Variants in PRICKLE4 observed in about 807,000 individuals in gnomAD.
PRICKLE4 encodes the protein prickle-like protein 4.
PRICKLE4 carries 40 observed loss-of-function variants against 43.5 expected under a neutral mutation model. The observed-to-expected ratio is 0.92, with a 90% CI of 0.71 to 1.20. The LOEUF (loss-of-function observed/expected upper bound fraction) is 1.20, where lower values mean the gene tolerates loss of function less well. Among genes scored for constraint, PRICKLE4 ranks in the 50% most tolerant of loss-of-function variants. PRICKLE4 has a pLI of 0.00. For missense variants in PRICKLE4, 527 were observed against 491.2 expected (o/e 1.07, Z -0.69); for synonymous variants, 208 against 197.4 (o/e 1.05, Z -0.45).
chr6:41,781,422 A>C lies in PRICKLE4; in HGVS notation c.-111A>C, dbSNP rs1485484709. On this transcript the variant is annotated 5_prime_UTR_variant, in exon 2 of 8. Coordinates refer to ENST00000458694, the MANE Select transcript of PRICKLE4 (RefSeq NM_013397.6). Reference sequence around the variant, plus strand: ...CCCCTCCTTTCTTGCTGCCTGGAGCAGGGGCAGTGCTGTTAGTGGCTACTC... The same window carrying C: ...CCCCTCCTTTCTTGCTGCCTGGAGCCGGGGCAGTGCTGTTAGTGGCTACTC... 1 of 153,330 alleles carries C rather than the reference A, an allele frequency of 6.5e-6. No homozygotes were observed. The highest frequency in any genetic ancestry group is 1.5e-5 in the Non-Finnish European group (1 of 68,550). 9.5% of individuals were successfully genotyped at this position (153,330 alleles called of 1,614,324 possible).
chr6:41,786,083 GGAAT>G (rs747065265), intron 6 of PRICKLE4, 41 bp from the exon 7 acceptor site: 13 of 1,561,478 alleles, frequency 8.3e-6, no homozygotes, highest in Non-Finnish European at 1.1e-5. Flanking sequence ...AATGAATGAG[GGAAT>G]GAATGAATGA....
intron 2 of PRICKLE4, 79 bp from the exon 3 acceptor site, chr6:41,783,383 A>G: frequency 7.4e-7 from 1 of 1,347,776 alleles, no homozygotes; most frequent in Non-Finnish European, 1.0e-6. Context: ...GAGGGAAATA[A>G]TATCTATAAA....
At chr6:41,782,242 T>C (rs2127304926) in intron 2 of PRICKLE4, among the ~76,000 whole-genome samples, 1 of 151,798 alleles carries the variant, frequency 6.6e-6, no homozygotes, top group East Asian at 1.9e-4. Context: ...CAGCTTATTT[T>C]TGTATTTGTA....
At chr6:41,786,537 C>A (rs1425879999) in intron 7 of PRICKLE4, 1 of 1,008,450 alleles carries the variant, frequency 9.9e-7, no homozygotes, top group Non-Finnish European at 1.5e-6. Flanking sequence ...CCGAACCCAC[C>A]CCGCGCCGCG....
chr6:41,786,050 G>C, intron 6 of PRICKLE4, 78 bp from the exon 7 acceptor site: 1 of 1,467,324 alleles, frequency 6.8e-7, no homozygotes, highest in South Asian at 1.2e-5. Context: ...CGTTAACTGG[G>C]TAAAAGGCGT....
chr6:41,786,835 C>CTTT lies in PRICKLE4; in HGVS notation c.861_862insTTT (p.Leu287_Leu288insPhe). On this transcript the variant is annotated inframe_insertion, in exon 8 of 8. Transcript: ENST00000458694. The stretch of plus-strand genomic sequence containing the variant: ...ACTCTGCAACCCTCTCCCGAACACT[C>CTTT]CTCGCTGCTGCCGGCGGTTCCAGCC... 5.0e-6 allele frequency: 8 copies of CTTT among 1,602,724 alleles called. No individual in the cohort carries two copies. Among genetic ancestry groups the CTTT allele is most frequent in the Non-Finnish European group, 6.0e-6 (7 of 1,173,510 alleles).
At chr6:41,783,408 C>T in intron 2 of PRICKLE4, 54 bp from the exon 3 acceptor site, 2 of 1,428,826 alleles carry the variant, frequency 1.4e-6, no homozygotes, top group Non-Finnish European at 1.9e-6. Context: ...TTAACACTTC[C>T]TAGCACATTG....
In PRICKLE4 at chr6:41,780,816, G is replaced by A. The variant is rs1263807764; in HGVS notation, c.-194G>A. The A allele has an allele frequency of 8.8e-5, 19 of 216,952 alleles. No individual in the cohort carries two copies. 13.4% of individuals were successfully genotyped at this position (216,952 alleles called of 1,614,324 possible). A position where few individuals can be genotyped will look rare whatever the true frequency, so the allele number is the denominator to read the frequency against. ...GGTCCAGAACTGCCCGGACAGCGAC[G>A]CACAGCGAGGGTGAGACCCCAGCGG... On this transcript the variant is annotated 5_prime_UTR_variant, in exon 1 of 8. Coordinates refer to ENST00000458694, the MANE Select transcript of PRICKLE4 (RefSeq NM_013397.6).
At position 41,787,171 on chromosome 6, in the gene PRICKLE4, T is replaced by A. The variant is rs751552309; in HGVS notation, c.*42T>A. On this transcript the variant is annotated 3_prime_UTR_variant, in exon 8 of 8. Transcript: ENST00000458694. The stretch of plus-strand genomic sequence containing the variant: ...GGGGATGTGAGTGGGAGGAAAGGGG[T>A]CTGTAAAGCGGGAGAACAAGGCTAG... 1.4e-4 allele frequency: 220 copies of A among 1,543,804 alleles called. No homozygotes were observed. The highest frequency in any genetic ancestry group is 1.8e-4 in the Non-Finnish European group (210 of 1,152,102).
At chr6:41,785,674 C>A in intron 6 of PRICKLE4, 134 bp downstream of exon 6, 4 of 949,048 alleles carry the variant, frequency 4.2e-6, no homozygotes, top group Non-Finnish European at 6.2e-6. Flanking sequence ...CTGGGACTAC[C>A]AAGTTCCCTG....
intron 3 of PRICKLE4, chr6:41,783,873 TAAG>T: frequency 1.4e-6 from 1 of 737,944 alleles, no homozygotes; most frequent in Non-Finnish European, 2.4e-6. Flanking sequence ...TGAAGGGGGT[TAAG>T]AAGGGAAAGC....
chr6:41,786,839 G>T lies in PRICKLE4; in HGVS notation c.865G>T (p.Ala289Ser), dbSNP rs201760202. 1 of 1,463,962 alleles carries T rather than the reference G, an allele frequency of 6.8e-7. No homozygotes were observed. Among genetic ancestry groups the T allele is most frequent in the African/African-American group, 1.6e-5 (1 of 64,406 alleles). The allele number at this position is 1,463,962 out of a possible 1,614,324, so 90.7% of individuals were successfully genotyped here. A position where few individuals can be genotyped will look rare whatever the true frequency, so the allele number is the denominator to read the frequency against. The change falls in exon 8 of 8, where the codon GCT becomes TCT. Residue 289 changes from alanine to serine, a missense_variant. Transcript: ENST00000458694. ...NSATLSRTLLAAAGGSSLQTQ... is the reference protein window; with the variant it reads ...NSATLSRTLLSAAGGSSLQTQ... ...TGCAACCCTCTCCCGAACACTCCTC[G>T]CTGCTGCCGGCGGTTCCAGCCTGCA...
rs138103497 is a variant in PRICKLE4 at position 41,786,169 on chromosome 6, C to T, written c.624C>T (p.Arg208=). ...GCTGCACCGAGGCGGAGGGACAGCG[C>T]TGGCATGAGAACCACTTCTGTTGCC... ...SWRCTEAEGQ[R]WHENHFCCQD... is the part of the protein sequence containing the mutation. The change falls in exon 7 of 8, where the codon CGC becomes CGT. Residue 208 remains arginine (R), a synonymous_variant. Coordinates refer to ENST00000458694, the MANE Select transcript of PRICKLE4 (RefSeq NM_013397.6). 2.7e-5 allele frequency: 43 copies of T among 1,613,688 alleles called. No homozygotes were observed. In the African/African-American group the frequency reaches 5.2e-4, roughly 19 times the overall value.
chr6:41,783,739 C>A, intron 3 of PRICKLE4, 134 bp downstream of exon 3: 1 of 1,272,788 alleles, frequency 7.9e-7, no homozygotes, highest in Non-Finnish European at 1.1e-6. Context: ...TTCAGGAATT[C>A]CTGTCTCTGC....
chr6:41,781,122 T>TGA lies in PRICKLE4; in HGVS notation c.-183-227_-183-226insAG, dbSNP rs1772544161. 1.3e-5 allele frequency: 2 copies of TGA among 153,028 alleles called. 1 individual carries two copies. Among genetic ancestry groups the TGA allele is most frequent in the South Asian group, 4.1e-4 (2 of 4,908 alleles). 9.5% of individuals were successfully genotyped at this position (153,028 alleles called of 1,614,324 possible). On this transcript the variant is annotated intron_variant, in intron 1 of 7. Transcript: ENST00000458694. ...GGGATGTCCAGCTCCTGAGCCCTCT[T>TGA]GCACGGAGGCTCTGCACGGAGGCAA...
At position 41,787,422 on chromosome 6, in the gene PRICKLE4, C is replaced by A; in HGVS notation, c.*293C>A. 1 of 614,008 alleles carries A rather than the reference C, an allele frequency of 1.6e-6. No homozygotes were observed. Among genetic ancestry groups the A allele is most frequent in the Non-Finnish European group, 2.8e-6 (1 of 359,780 alleles). The allele number at this position is 614,008 out of a possible 1,614,324, so 38.0% of individuals were successfully genotyped here. ...AGCCCCGTCCCCACCATCCTCCTCC[C>A]AAGCCAATTAAATGATCACAGCACG... On this transcript the variant is annotated 3_prime_UTR_variant, in exon 8 of 8. Coordinates refer to ENST00000458694, the MANE Select transcript of PRICKLE4 (RefSeq NM_013397.6).
At position 41,785,494 on chromosome 6, in the gene PRICKLE4, G is replaced by A. The variant is rs890048845; in HGVS notation, c.536G>A (p.Arg179His). The A allele has an allele frequency of 9.3e-6, 15 of 1,613,908 alleles. No individual in the cohort carries two copies. The highest frequency in any genetic ancestry group is 2.2e-5 in the East Asian group (1 of 44,886). The part of the protein sequence containing the change: ...FYHDGQLYCG[R>H]HHAELLRPRC... ...CATGATGGACAACTCTACTGCGGCC[G>A]TCATCATGCAGAGTTGCTGCGCCCG... Residue 179 changes from arginine to histidine, a missense_variant, in exon 6 of 8, where the codon CGT (arginine) becomes CAT (histidine). Arg to His is a conservative substitution (Grantham distance 29). Coordinates refer to ENST00000458694, the MANE Select transcript of PRICKLE4 (RefSeq NM_013397.6).
In PRICKLE4 at chr6:41,786,196, G is replaced by A. The variant is rs751986542; in HGVS notation, c.651G>A (p.Gln217=). 1 of 1,611,226 alleles carries A rather than the reference G, an allele frequency of 6.2e-7. No homozygotes were observed. The highest frequency in any genetic ancestry group is 1.3e-5 in the African/African-American group (1 of 74,870). Residue 217 remains glutamine, a synonymous_variant, in exon 7 of 8, where the codon CAG becomes CAA. Transcript: ENST00000458694. ...GGCATGAGAACCACTTCTGTTGCCA[G>A]GACTGCGCCGGGCCTCTGGGCGGGG... The part of the protein sequence containing the change: ...QRWHENHFCC[Q]DCAGPLGGGR...
Position 41,783,698 on chromosome 6 carries a change from C to T in PRICKLE4, c.132+93C>T, listed in dbSNP as rs568339949. The stretch of plus-strand genomic sequence containing the variant: ...CACCAACCCGGAGGTAGTTTGACTT[C>T]GTGCCTAATCTCTTGTTGCCTTTTT... On this transcript the variant is annotated intron_variant, in intron 3 of 7. Transcript: ENST00000458694. 3.8e-5 allele frequency: 59 copies of T among 1,551,230 alleles called. No homozygotes were observed. In the East Asian group the frequency reaches 5.4e-4, roughly 14 times the overall value.
Sources: gnomAD v4.1 joint callset for allele counts (sites outside exome capture counted in the v4.1 genomes callset) on GRCh38, gnomAD v4.1.1 for gene constraint, MANE v1.5 for transcripts, NCBI Gene and HGNC (gene_info 2026-07-23, HGNC 2026-07-21) for gene names.